ENTPD3: variants seen among roughly 807,000 people sequenced by gnomAD.
ENTPD3 encodes the protein CD39 antigen-like 3.
Under a neutral mutation model 51.2 loss-of-function variants are expected in ENTPD3, and 60 were observed. That is an observed-to-expected ratio of 1.17 (90% CI 0.95 to 1.45). The LOEUF (loss-of-function observed/expected upper bound fraction) is 1.45. Ranked by LOEUF, ENTPD3 falls within the 40% of genes most tolerant of loss-of-function variation. ENTPD3 has a pLI of 0.00. For synonymous variants in ENTPD3, 221 were observed against 238.4 expected (o/e 0.93, Z 0.67); for missense variants, 593 against 641.1 (o/e 0.93, Z 0.81).
chr3:40,412,602 A>C (rs1955660404), intron 5 of ENTPD3, among the ~76,000 whole-genome samples: 1 of 152,216 alleles, frequency 6.6e-6, no homozygotes, highest in African/African-American at 2.4e-5. Flanking sequence ...ACCAAACTTA[A>C]ATCTACTCAG....
intron 2 of ENTPD3, among the ~76,000 whole-genome samples, chr3:40,390,231 G>T (rs774611051): frequency 1.3e-5 from 2 of 152,092 alleles, no homozygotes; most frequent in Non-Finnish European, 2.9e-5. Flanking sequence ...TAGAGACAAG[G>T]TCTCACTCTG....
intron 3 of ENTPD3, chr3:40,394,170 AGT>A (rs1330282379): frequency 6.5e-6 from 1 of 154,040 alleles, no homozygotes; most frequent in African/African-American, 2.4e-5. Flanking sequence ...GCTGGAATGC[AGT>A]GGCATGATCT....
intron 3 of ENTPD3, among the ~76,000 whole-genome samples, chr3:40,398,911 ATACTTT>A (rs903236807): frequency 2.3e-4 from 35 of 152,218 alleles, no homozygotes; most frequent in Non-Finnish European, 4.3e-4. Flanking sequence ...TGTTCATGAT[ATACTTT>A]TAAGAAAAGA....
chr3:40,391,094 C>G (rs1342629358), intron 2 of ENTPD3: 1 of 152,126 alleles, frequency 6.6e-6, no homozygotes, highest in Non-Finnish European at 1.5e-5. Flanking sequence ...TCCCGAGTAG[C>G]TGGGACTACA....
Position 40,414,812 on chromosome 3 carries a change from C to T in ENTPD3, c.569C>T (p.Ala190Val). The T allele has an allele frequency of 6.2e-7, 1 of 1,613,990 alleles. No individual in the cohort carries two copies. The highest frequency in any genetic ancestry group is 8.5e-7 in the Non-Finnish European group (1 of 1,179,958). ...QEEGVYGWITANYLMGNFLEK... is the reference protein window; with the variant it reads ...QEEGVYGWITVNYLMGNFLEK... ...GAAGGGGTATATGGATGGATTACAG[C>T]CAACTATTTAATGGGAAATTTCCTG... The change falls in exon 6 of 11, where the codon GCC becomes GTC. Residue 190 changes from alanine (A) to valine (V), a missense_variant. By Grantham distance (64) the Ala-to-Val change is moderately conservative. Coordinates refer to ENST00000301825, the MANE Select transcript of ENTPD3 (RefSeq NM_001248.4).
At chr3:40,418,451 T>C (rs1955794205) in intron 7 of ENTPD3, among the ~76,000 whole-genome samples, 1 of 152,192 alleles carries the variant, frequency 6.6e-6, no homozygotes, top group Non-Finnish European at 1.5e-5. Flanking sequence ...AGGAACTACG[T>C]AGTGTGGTGA....
intron 2 of ENTPD3, among the ~76,000 whole-genome samples, chr3:40,388,572 GCACACACACACAGACACACACA>G (rs1222214903): frequency 4.3e-5 from 4 of 94,034 alleles, no homozygotes; most frequent in Non-Finnish European, 9.1e-5. Context: ...ACACTGGAAG[GCACACACACACAGACACACACA>G]CACACACACA....
rs202196288 is a variant in ENTPD3, at chr3:40,423,495, CT to C, written c.1215+96del. On this transcript the variant is annotated intron_variant, in intron 9 of 10. Coordinates refer to ENST00000301825, the MANE Select transcript of ENTPD3 (RefSeq NM_001248.4). ...GTATTCTGAATTTAGCCTTTATGCT[CT>C]TCTATTTCCATCACATCTGTAAAAT... 4.4e-4 allele frequency: 399 copies of C among 904,598 alleles called. 5 individuals are homozygous for C. The East Asian group carries it at 9.0e-3, about 20-fold the overall frequency. 56.0% of individuals were successfully genotyped at this position (904,598 alleles called of 1,614,324 possible). A position where few individuals can be genotyped will look rare whatever the true frequency, so the allele number is the denominator to read the frequency against.
At position 40,392,150 on chromosome 3, in the gene ENTPD3, G is replaced by A; in HGVS notation, c.168G>A (p.Lys56=). Residue 56 remains lysine (K), a splice_region_variant and synonymous_variant, in exon 3 of 11, where the codon AAG becomes AAA. Coordinates refer to ENST00000301825, the MANE Select transcript of ENTPD3 (RefSeq NM_001248.4). The part of the protein sequence containing the change: ...HKQEVLPPGL[K]YGIVLDAGSS... ...AAGAGGTCCTCCCTCCAGGACTGAA[G>A]GTAAGTGTGAAGGGACTGGCAACAA... The A allele has an allele frequency of 6.2e-7, 1 of 1,613,932 alleles. No individual in the cohort carries two copies.
At chr3:40,423,993 T>C (rs1370229442) in intron 10 of ENTPD3, 30 bp downstream of exon 10, 5 of 1,613,808 alleles carry the variant, frequency 3.1e-6, no homozygotes, top group Non-Finnish European at 4.2e-6. Context: ...TTTTCTCTTC[T>C]TCTTCCCAAC....
In ENTPD3 at chr3:40,388,064, A is replaced by G; in HGVS notation, c.7A>G (p.Thr3Ala). The G allele has an allele frequency of 6.2e-7, 1 of 1,614,088 alleles. No individual in the cohort carries two copies. The highest frequency in any genetic ancestry group is 8.5e-7 in the Non-Finnish European group (1 of 1,179,994). The change falls in exon 2 of 11, where the codon ACT becomes GCT. Residue 3 changes from threonine (T) to alanine (A), a missense_variant. Coordinates refer to ENST00000301825, the MANE Select transcript of ENTPD3 (RefSeq NM_001248.4). ...CCTGCAGCTAGGAGAAAAGATGTTC[A>G]CTGTGCTGACCCGCCAACCATGTGA... is the stretch of plus-strand genomic sequence containing the variant. MF[T>A]VLTRQPCEQA...
intron 3 of ENTPD3, among the ~76,000 whole-genome samples, chr3:40,400,175 G>C (rs1356338466): frequency 2.0e-5 from 3 of 149,696 alleles, no homozygotes; most frequent in African/African-American, 7.4e-5. Context: ...TGAGGCAGGA[G>C]AATCACTTGA....
chr3:40,392,455 A>T (rs2125587682), intron 3 of ENTPD3: 2 of 288,314 alleles, frequency 6.9e-6, no homozygotes, highest in East Asian at 1.6e-4. Flanking sequence ...AAGATTTACC[A>T]GTTCAGCCAG....
intron 10 of ENTPD3, among the ~76,000 whole-genome samples, chr3:40,425,378 T>G (rs1189139685): frequency 6.6e-6 from 1 of 151,858 alleles, no homozygotes; most frequent in Non-Finnish European, 1.5e-5. Flanking sequence ...ATCACGCCAT[T>G]GCACTCCAGC....
At chr3:40,426,139 C>T (rs1273850393) in intron 10 of ENTPD3, among the ~76,000 whole-genome samples, 5 of 124,328 alleles carry the variant, frequency 4.0e-5, no homozygotes, top group Non-Finnish European at 6.4e-5. Context: ...GACGGAGTCT[C>T]GCTCTGTCGC....
chr3:40,423,729 G>A (rs1955929281), intron 9 of ENTPD3, 97 bp from the exon 10 acceptor site: 5 of 1,347,310 alleles, frequency 3.7e-6, no homozygotes, highest in Non-Finnish European at 5.1e-6. Context: ...ATGAAATTAT[G>A]GGTGATAAGA....
At chr3:40,403,306 A>C (rs1955414008) in intron 4 of ENTPD3, among the ~76,000 whole-genome samples, 1 of 152,174 alleles carries the variant, frequency 6.6e-6, no homozygotes, top group Non-Finnish European at 1.5e-5. Context: ...ATGGAGTGCA[A>C]GGTGGTTATT....
At chr3:40,424,686 GT>G (rs962265931) in intron 10 of ENTPD3, 8 of 698,316 alleles carry the variant, frequency 1.1e-5, no homozygotes, top group African/African-American at 1.1e-4. Flanking sequence ...TCCATACCTT[GT>G]TTTTAGGCAG....
At chr3:40,418,393 CTGAG>C (rs1955793326) in intron 7 of ENTPD3, among the ~76,000 whole-genome samples, 1 of 152,210 alleles carries the variant, frequency 6.6e-6, no homozygotes, top group Non-Finnish European at 1.5e-5. Context: ...TAAACACTGA[CTGAG>C]TAAATTCCAT....
Sources: allele counts gnomAD v4.1 joint callset (sites outside exome capture counted in the v4.1 genomes callset), GRCh38; gene constraint gnomAD v4.1.1; transcripts MANE v1.5; gene names NCBI Gene and HGNC (gene_info 2026-07-23, HGNC 2026-07-21).